The following TRIM51G variants were observed in gnomAD, a reference collection of about 807,000 sequenced individuals.
TRIM51G encodes tripartite motif-containing protein 51G.
the TRIM51G span, among the ~76,000 whole-genome samples, chr11:48,982,161 C>T: frequency 4.1e-4 from 63 of 152,080 alleles, no homozygotes; most frequent in African/African-American, 1.4e-3. Context: ...CAGAAGCCGG[C>T]TCTTTAAAAC....
the TRIM51G span, chr11:48,981,086 G>C: frequency 2.1e-6 from 2 of 948,544 alleles, no homozygotes; most frequent in South Asian, 3.0e-5. Context: ...CAAAATGAGA[G>C]ACAAATTAGC....
chr11:48,980,904 A>T, the TRIM51G span: 1 of 487,170 alleles, frequency 2.1e-6, no homozygotes, highest in Middle Eastern at 3.2e-4. Context: ...CACACTACTA[A>T]CCTTCCAGCA....
At chr11:48,976,702 C>T in the TRIM51G span, among the ~76,000 whole-genome samples, 1 of 152,014 alleles carries the variant, frequency 6.6e-6, no homozygotes, top group Admixed American at 6.6e-5. Context: ...CTGCAGTGAA[C>T]TCTATTCCCC....
the TRIM51G span, chr11:48,979,142 T>C: frequency 2.7e-5 from 19 of 693,202 alleles, no homozygotes; most frequent in Non-Finnish European, 4.9e-5. Context: ...GTTTTATCCA[T>C]CTTCTCTTGA....
chr11:48,980,839 C>G, the TRIM51G span: 1 of 438,226 alleles, frequency 2.3e-6, no homozygotes, highest in Non-Finnish European at 4.7e-6. Context: ...GATCAAGTTC[C>G]TATTTTAAGA....
At chr11:48,975,848 T>C in the TRIM51G span, 1 of 1,161,422 alleles carries the variant, frequency 8.6e-7, no homozygotes, top group South Asian at 1.2e-5. Flanking sequence ...TTGCCAGATA[T>C]GAAAAAATCA....
the TRIM51G span, chr11:48,981,546 A>G: frequency 6.2e-7 from 1 of 1,602,370 alleles, no homozygotes; most frequent in Non-Finnish European, 8.5e-7. Context: ...TAGAGCACTG[A>G]GCAAGAACTG....
chr11:48,976,408 T>C, the TRIM51G span, among the ~76,000 whole-genome samples: 11 of 152,238 alleles, frequency 7.2e-5, no homozygotes, highest in African/African-American at 2.6e-4. Flanking sequence ...CAAGCACTGC[T>C]CTAGATAACT....
the TRIM51G span, chr11:48,981,307 T>C: frequency 1.2e-6 from 2 of 1,606,214 alleles, no homozygotes; most frequent in Non-Finnish European, 1.7e-6. Flanking sequence ...AGCAGCCCAC[T>C]CAGTGGGACA....
chr11:48,976,629 T>C, the TRIM51G span, among the ~76,000 whole-genome samples: 1 of 152,054 alleles, frequency 6.6e-6, no homozygotes, highest in East Asian at 1.9e-4. Flanking sequence ...TTTTATATAT[T>C]AAGTCAAAAT....
chr11:48,982,023 C>G, the TRIM51G span, among the ~76,000 whole-genome samples: 1 of 152,112 alleles, frequency 6.6e-6, no homozygotes, highest in Non-Finnish European at 1.5e-5. Flanking sequence ...ATAAAACATG[C>G]TTGTCCCTAT....
chr11:48,978,805 A>C, the TRIM51G span: 1 of 740,112 alleles, frequency 1.4e-6, no homozygotes, highest in Non-Finnish European at 2.5e-6. Context: ...GACGGATTTC[A>C]GGAGAGAGGT....
the TRIM51G span, chr11:48,975,929 T>C: frequency 2.7e-6 from 2 of 741,424 alleles, no homozygotes; most frequent in East Asian, 5.1e-5. Flanking sequence ...CATCCAACCT[T>C]CATGCTTCTC....
At chr11:48,979,450 G>C in the TRIM51G span, among the ~76,000 whole-genome samples, 2 of 152,030 alleles carry the variant, frequency 1.3e-5, no homozygotes, top group Non-Finnish European at 2.9e-5. Context: ...TTGGAGAATT[G>C]GGGCAAGTTA....
At chr11:48,981,425 G>A in the TRIM51G span, 1 of 1,607,630 alleles carries the variant, frequency 6.2e-7, no homozygotes, top group Admixed American at 1.7e-5. Flanking sequence ...CCACATATTT[G>A]CTCCTCAGAG....
chr11:48,982,956 C>CAT, the TRIM51G span, among the ~76,000 whole-genome samples: 239 of 33,046 alleles, frequency 7.2e-3, 4 homozygotes, highest in African/African-American at 0.022. Context: ...GGTATATATA[C>CAT]ATATATATAT....
the TRIM51G span, among the ~76,000 whole-genome samples, chr11:48,982,100 C>T: frequency 1.3e-5 from 2 of 152,130 alleles, no homozygotes; most frequent in Admixed American, 6.6e-5. Flanking sequence ...GGTAACAAAA[C>T]ATGAGAAGAT....
chr11:48,983,016 C>T, the TRIM51G span, among the ~76,000 whole-genome samples: 1 of 104,710 alleles, frequency 9.6e-6, no homozygotes, highest in Non-Finnish European at 2.0e-5. Context: ...GGTTCTGTCT[C>T]TCTGGAGAAC....
chr11:48,978,932 T>A, the TRIM51G span: 4 of 1,588,682 alleles, frequency 2.5e-6, no homozygotes, highest in South Asian at 3.3e-5. Flanking sequence ...ACATTCCTCT[T>A]AAAAGCTCCC....
Sources: gnomAD v4.1 joint callset for allele counts (sites outside exome capture counted in the v4.1 genomes callset) on GRCh38, gnomAD v4.1.1 for gene constraint, MANE v1.5 for transcripts, NCBI Gene and HGNC (gene_info 2026-07-23, HGNC 2026-07-21) for gene names.